Variants in CSMD1 observed in about 807,000 individuals in gnomAD.
CSMD1 encodes the protein CUB and Sushi multiple domains 1.
Under a neutral mutation model 417.5 loss-of-function variants are expected in CSMD1, and 213 were observed. The ratio of observed to expected loss-of-function variants is 0.51; its 90% CI spans 0.46 to 0.57. CSMD1 has a LOEUF of 0.57. CSMD1 is among the 20% of genes least tolerant of loss of function. The pLI, the probability that CSMD1 is intolerant of heterozygous loss-of-function variation, is 0.00. For synonymous variants in CSMD1, 2,862 were observed against 1,736.8 expected (o/e 1.65, Z -16.11); for missense variants, 6,923 against 4,529.7 (o/e 1.53, Z -15.17).
chr8:3,530,043 C>A (rs1287548412), intron 10 of CSMD1, among the ~76,000 whole-genome samples: 1 of 152,152 alleles, frequency 6.6e-6, no homozygotes, highest in East Asian at 1.9e-4. Context: ...CGTGAGTATA[C>A]ATGCTAAATG....
At chr8:3,830,492 G>C (rs1205675894) in intron 5 of CSMD1, among the ~76,000 whole-genome samples, 1 of 152,202 alleles carries the variant, frequency 6.6e-6, no homozygotes, top group South Asian at 2.1e-4. Context: ...CTGTGCAACT[G>C]AGAATCATGG....
intron 1 of CSMD1, among the ~76,000 whole-genome samples, chr8:4,676,079 G>A (rs571418747): frequency 3.3e-5 from 5 of 152,262 alleles, no homozygotes; most frequent in Non-Finnish European, 5.9e-5. Flanking sequence ...AAAGAGAAGC[G>A]ATGATCCCCC....
At chr8:3,679,027 G>T (rs538180526) in intron 7 of CSMD1, among the ~76,000 whole-genome samples, 1 of 152,064 alleles carries the variant, frequency 6.6e-6, no homozygotes, top group Non-Finnish European at 1.5e-5. Flanking sequence ...AAGACCTCCT[G>T]AAGAAGCACT....
At chr8:4,908,056 A>G (rs1320643445) in intron 1 of CSMD1, among the ~76,000 whole-genome samples, 2 of 152,174 alleles carry the variant, frequency 1.3e-5, no homozygotes, top group African/African-American at 4.8e-5. Flanking sequence ...ATAGTTTTCC[A>G]TTAATTTAAG....
chr8:4,003,866 G>A (rs888781307), intron 4 of CSMD1, among the ~76,000 whole-genome samples: 13 of 151,864 alleles, frequency 8.6e-5, no homozygotes, highest in Admixed American at 6.6e-5. Context: ...CATCCAAAAC[G>A]TGTGATAAAA....
chr8:3,021,930 G>C, intron 51 of CSMD1, among the ~76,000 whole-genome samples: 1 of 137,002 alleles, frequency 7.3e-6, no homozygotes, highest in Admixed American at 7.8e-5. Context: ...CAATCCCACA[G>C]CATCCGGAAA....
chr8:4,115,038 G>C (rs934565697), intron 3 of CSMD1, among the ~76,000 whole-genome samples: 2 of 152,142 alleles, frequency 1.3e-5, no homozygotes, highest in Non-Finnish European at 2.9e-5. Context: ...TGAAAGAATT[G>C]ATTCAAATTT....
intron 15 of CSMD1, 69 bp downstream of exon 15, chr8:3,405,958 T>A: frequency 6.8e-7 from 1 of 1,462,020 alleles, no homozygotes; most frequent in South Asian, 1.3e-5. Context: ...AGTTTGTTGG[T>A]TTGTGTGTGT....
intron 1 of CSMD1, among the ~76,000 whole-genome samples, chr8:4,931,269 C>T (rs1287138508): frequency 6.6e-6 from 1 of 152,096 alleles, no homozygotes; most frequent in Non-Finnish European, 1.5e-5. Flanking sequence ...CTGTGTTTGA[C>T]ATTACTTTTG....
At chr8:4,264,592 G>C (rs777293211) in intron 3 of CSMD1, among the ~76,000 whole-genome samples, 1 of 152,086 alleles carries the variant, frequency 6.6e-6, no homozygotes, top group Non-Finnish European at 1.5e-5. Context: ...TGGTTCCTCG[G>C]CGTTCTAGGG....
At position 2,946,871 on chromosome 8, in the gene CSMD1, G is replaced by T. The variant is rs75029406; in HGVS notation, c.10402+2428C>A. On this transcript the variant is annotated intron_variant, in intron 68 of 69. Coordinates refer to ENST00000635120, the MANE Select transcript of CSMD1 (RefSeq NM_033225.6). ...AAAGTAGGACAGTTCCAGTTCCTCC[G>T]CCTCCTTGCCACCCTTTGCGATTTG... Among the ~76,000 whole-genome samples the T allele has an allele frequency of 2.8e-3, 429 of 152,246 alleles. 2 individuals are homozygous for T. Among genetic ancestry groups the T allele is most frequent in the Middle Eastern group, 0.017 (5 of 294 alleles).
intron 1 of CSMD1, among the ~76,000 whole-genome samples, chr8:4,987,902 A>G (rs1811264789): frequency 6.6e-6 from 1 of 152,186 alleles, no homozygotes; most frequent in Non-Finnish European, 1.5e-5. Flanking sequence ...GACTTACACC[A>G]GTGGTTTTCC....
intron 7 of CSMD1, among the ~76,000 whole-genome samples, chr8:3,659,819 T>C (rs1383237820): frequency 6.6e-6 from 1 of 152,176 alleles, no homozygotes; most frequent in Non-Finnish European, 1.5e-5. Flanking sequence ...CCATTCGGCA[T>C]AAAATGACAT....
At chr8:4,578,579 G>A (rs539332637) in intron 2 of CSMD1, among the ~76,000 whole-genome samples, 4 of 151,324 alleles carry the variant, frequency 2.6e-5, no homozygotes, top group South Asian at 2.1e-4. Context: ...CATTTTGGGA[G>A]GCCAAGGTGG....
At chr8:3,263,715 C>A (rs1361781248) in intron 26 of CSMD1, among the ~76,000 whole-genome samples, 1 of 152,126 alleles carries the variant, frequency 6.6e-6, no homozygotes, top group African/African-American at 2.4e-5. Context: ...ATTTGAATCA[C>A]TTATCCCAAT....
At chr8:3,920,724 A>T (rs1045503295) in intron 5 of CSMD1, among the ~76,000 whole-genome samples, 8 of 125,674 alleles carry the variant, frequency 6.4e-5, no homozygotes, top group African/African-American at 2.4e-4. Flanking sequence ...TTGTGCATCT[A>T]TTGAGATGAT....
intron 27 of CSMD1, among the ~76,000 whole-genome samples, chr8:3,229,762 A>T (rs1372633): frequency 0.41 from 62,210 of 152,024 alleles, 12,830 homozygotes; most frequent in South Asian, 0.5. Flanking sequence ...TAAATTACAG[A>T]CATTTGATTG....
chr8:3,768,192 G>T (rs1057411370), intron 5 of CSMD1, among the ~76,000 whole-genome samples: 38 of 152,164 alleles, frequency 2.5e-4, no homozygotes, highest in African/African-American at 9.2e-4. Flanking sequence ...GGAATCTTTA[G>T]GAAGAGTGGT....
chr8:3,261,778 A>T (rs1371760408), intron 26 of CSMD1, among the ~76,000 whole-genome samples: 1 of 152,130 alleles, frequency 6.6e-6, no homozygotes, highest in African/African-American at 2.4e-5. Flanking sequence ...TTCCCTCCAC[A>T]GCACATTTGT....
Sources: allele counts gnomAD v4.1 joint callset (sites outside exome capture counted in the v4.1 genomes callset), GRCh38; gene constraint gnomAD v4.1.1; transcripts MANE v1.5; gene names NCBI Gene and HGNC (gene_info 2026-07-23, HGNC 2026-07-21).